The following SKIC3 variants were observed in gnomAD, a reference collection of about 807,000 sequenced individuals.
SKIC3 encodes the protein SKI3 subunit of superkiller complex, also known as superkiller complex protein 3.
At chr5:95,512,650 G>A in the SKIC3 span, 2 of 1,612,794 alleles carry the variant, frequency 1.2e-6, no homozygotes, top group Non-Finnish European at 1.7e-6. Flanking sequence ...GCAGACATAG[G>A]ATAATAAATG....
At chr5:95,522,686 C>T in the SKIC3 span, among the ~76,000 whole-genome samples, 1 of 152,054 alleles carries the variant, frequency 6.6e-6, no homozygotes, top group African/African-American at 2.4e-5. Flanking sequence ...AATATGGAAA[C>T]AATAGGCATG....
the SKIC3 span, among the ~76,000 whole-genome samples, chr5:95,554,058 T>C: frequency 6.6e-6 from 1 of 152,202 alleles, no homozygotes; most frequent in South Asian, 2.1e-4. Flanking sequence ...TGTTTTCCTA[T>C]CTGCAATATG....
At chr5:95,473,056 C>A in the SKIC3 span, among the ~76,000 whole-genome samples, 1 of 151,936 alleles carries the variant, frequency 6.6e-6, no homozygotes, top group Non-Finnish European at 1.5e-5. Flanking sequence ...GTGAATAGTG[C>A]GGTGATAAAC....
chr5:95,474,836 G>A, the SKIC3 span, among the ~76,000 whole-genome samples: 1 of 152,154 alleles, frequency 6.6e-6, no homozygotes, highest in Admixed American at 6.5e-5. Context: ...TTGTCTGACT[G>A]AATTGATTAA....
At chr5:95,464,510 T>A in the SKIC3 span, 1 of 958,866 alleles carries the variant, frequency 1.0e-6, no homozygotes, top group Non-Finnish European at 1.6e-6. Context: ...AAGGAATAAA[T>A]ATAGTTTAAA....
the SKIC3 span, among the ~76,000 whole-genome samples, chr5:95,514,392 G>C: frequency 6.6e-6 from 1 of 152,064 alleles, no homozygotes; most frequent in Non-Finnish European, 1.5e-5. Context: ...TGAATTTGGG[G>C]GAGGAAAGAA....
At chr5:95,491,083 G>A in the SKIC3 span, 1 of 1,609,500 alleles carries the variant, frequency 6.2e-7, no homozygotes, top group African/African-American at 1.3e-5. Context: ...AAATCAACAT[G>A]TTGCTTAAAA....
At chr5:95,490,401 T>C in the SKIC3 span, among the ~76,000 whole-genome samples, 4 of 148,330 alleles carry the variant, frequency 2.7e-5, no homozygotes, top group African/African-American at 9.8e-5. Context: ...TTAATGAATA[T>C]ATATATATAC....
the SKIC3 span, chr5:95,507,028 T>C: frequency 6.4e-7 from 1 of 1,561,052 alleles, no homozygotes; most frequent in South Asian, 1.1e-5. Context: ...AAAAAAAAGG[T>C]ATTTTAATTT....
At chr5:95,486,576 C>T in the SKIC3 span, among the ~76,000 whole-genome samples, 6 of 152,176 alleles carry the variant, frequency 3.9e-5, no homozygotes, top group African/African-American at 1.4e-4. Context: ...CACCAGGGAG[C>T]CTAAGGACAG....
the SKIC3 span, among the ~76,000 whole-genome samples, chr5:95,524,150 T>TA: frequency 3.3e-5 from 5 of 152,228 alleles, no homozygotes; most frequent in Non-Finnish European, 7.4e-5. Flanking sequence ...GTTAAACATC[T>TA]AAAAAAACAG....
At chr5:95,542,592 C>A in the SKIC3 span, among the ~76,000 whole-genome samples, 1 of 152,196 alleles carries the variant, frequency 6.6e-6, no homozygotes, top group African/African-American at 2.4e-5. Flanking sequence ...GCAGCAATTT[C>A]TCTAACTGTG....
At chr5:95,536,467 A>G in the SKIC3 span, 1 of 251,800 alleles carries the variant, frequency 4.0e-6, no homozygotes, top group African/African-American at 2.3e-5. Flanking sequence ...ATTCCTAAAA[A>G]ATGCACCTAG....
chr5:95,500,572 A>G, the SKIC3 span, among the ~76,000 whole-genome samples: 1 of 152,152 alleles, frequency 6.6e-6, no homozygotes, highest in Non-Finnish European at 1.5e-5. Flanking sequence ...AATGCTGCCT[A>G]GTACCATTAT....
chr5:95,470,781 TTCTC>T, the SKIC3 span, among the ~76,000 whole-genome samples: 38,251 of 151,794 alleles, frequency 0.25, 6,502 homozygotes, highest in African/African-American at 0.48. Context: ...ACAAGCTTTA[TTCTC>T]TCTCATATTA....
At chr5:95,503,718 C>T in the SKIC3 span, 1 of 1,563,808 alleles carries the variant, frequency 6.4e-7, no homozygotes, top group Non-Finnish European at 8.8e-7. Context: ...CATTGCAACC[C>T]CCACCCCATC....
the SKIC3 span, chr5:95,522,347 A>T: frequency 1.2e-6 from 2 of 1,605,288 alleles, no homozygotes; most frequent in Admixed American, 3.4e-5. Flanking sequence ...AAAGTATGGA[A>T]CTATCTCCAA....
the SKIC3 span, among the ~76,000 whole-genome samples, chr5:95,484,340 CTTTTTT>C: frequency 4.2e-5 from 5 of 119,930 alleles, no homozygotes; most frequent in South Asian, 2.7e-4. Context: ...ATGCATTCCT[CTTTTTT>C]TTTTTTTTTT....
At chr5:95,543,346 A>G in the SKIC3 span, 3 of 1,613,188 alleles carry the variant, frequency 1.9e-6, no homozygotes, top group African/African-American at 2.7e-5. Context: ...AAAAAAATTA[A>G]AAGAGTAGGT....
Sources: gnomAD v4.1 joint callset for allele counts (sites outside exome capture counted in the v4.1 genomes callset) on GRCh38, gnomAD v4.1.1 for gene constraint, MANE v1.5 for transcripts, NCBI Gene and HGNC (gene_info 2026-07-23, HGNC 2026-07-21) for gene names.